Variants in PRKG1 observed in about 807,000 individuals in gnomAD.
The protein encoded by PRKG1 is cGMP-dependent protein kinase 1.
Under a neutral mutation model 88.1 loss-of-function variants are expected in PRKG1, and 35 were observed. The observed-to-expected ratio is 0.40, with a 90% CI of 0.30 to 0.53. PRKG1 has a LOEUF of 0.53. PRKG1 is among the 20% of genes least tolerant of loss of function. The pLI, the probability that PRKG1 is intolerant of heterozygous loss-of-function variation, is 0.59. For missense variants in PRKG1, 540 were observed against 839.8 expected, an observed-to-expected ratio of 0.64 and a Z score of 4.41; for synonymous variants, 303 against 292.5, an observed-to-expected ratio of 1.04 and a Z score of -0.37.
chr10:51,402,143 AC>A (rs944711214), intron 2 of PRKG1, among the ~76,000 whole-genome samples: 1 of 152,234 alleles, frequency 6.6e-6, no homozygotes, highest in Non-Finnish European at 1.5e-5. Flanking sequence ...TTTATGCTTA[AC>A]ATTTATCCTT....
intron 1 of PRKG1, among the ~76,000 whole-genome samples, chr10:51,058,503 G>T (rs553416020): frequency 2.0e-5 from 3 of 152,138 alleles, no homozygotes; most frequent in African/African-American, 7.2e-5. Context: ...TAGTACATTT[G>T]TTACAATCAA....
chr10:52,163,161 A>AT (rs917679346), intron 9 of PRKG1, among the ~76,000 whole-genome samples: 5 of 151,354 alleles, frequency 3.3e-5, no homozygotes, highest in African/African-American at 4.9e-5. Flanking sequence ...TCCTATAGGA[A>AT]TTTTTTTGGT....
At chr10:51,757,765 G>A (rs1248388678) in intron 3 of PRKG1, among the ~76,000 whole-genome samples, 1 of 152,032 alleles carries the variant, frequency 6.6e-6, no homozygotes, top group Admixed American at 6.6e-5. Context: ...ATATGTTCTG[G>A]ATATATTGTG....
rs1554830031 is a variant in PRKG1 at position 51,016,668 on chromosome 10, C to CCTTTCTT, written c.266+25025_266+25031dup. Among the ~76,000 whole-genome samples, 13 of 26,310 alleles carry CCTTTCTT rather than the reference C, an allele frequency of 4.9e-4. 1 individual carries two copies. The highest frequency in any genetic ancestry group is 2.2e-3 in the African/African-American group (13 of 5,804). The allele number at this position is 26,310 out of a possible 152,430, so 17.3% of individuals were successfully genotyped here. A position where few individuals can be genotyped will look rare whatever the true frequency, so the allele number is the denominator to read the frequency against. The stretch of plus-strand genomic sequence containing the variant: ...AACCCAGTGAAGAAGGTATTATTAT[C>CCTTTCTT]CTTTCTTTTTTTTTTTTTTTTTTTG... On this transcript the variant is annotated intron_variant, in intron 1 of 17. Transcript: ENST00000401604.
chr10:52,213,564 T>C (rs1193476014), intron 9 of PRKG1, among the ~76,000 whole-genome samples: 1 of 152,178 alleles, frequency 6.6e-6, no homozygotes, highest in Non-Finnish European at 1.5e-5. Context: ...TTGTTGCTCA[T>C]TAGGGAAAAA....
intron 17 of PRKG1, among the ~76,000 whole-genome samples, chr10:52,291,530 T>A (rs1200472161): frequency 1.3e-5 from 2 of 151,740 alleles, no homozygotes; most frequent in African/African-American, 4.8e-5. Context: ...CTTGCGATAG[T>A]TTACTGAGAA....
intron 1 of PRKG1, among the ~76,000 whole-genome samples, chr10:50,999,524 G>A (rs978288302): frequency 3.9e-5 from 6 of 152,106 alleles, no homozygotes; most frequent in African/African-American, 1.2e-4. Context: ...TTTAAAATGT[G>A]TTTTAAATTC....
chr10:51,200,455 T>C (rs1197715190), intron 2 of PRKG1, among the ~76,000 whole-genome samples: 1 of 152,224 alleles, frequency 6.6e-6, no homozygotes, highest in East Asian at 1.9e-4. Flanking sequence ...GCTAAAATGA[T>C]AGAGACATAG....
intron 5 of PRKG1, among the ~76,000 whole-genome samples, chr10:51,977,330 A>G (rs1248223841): frequency 6.6e-6 from 1 of 152,106 alleles, no homozygotes; most frequent in Non-Finnish European, 1.5e-5. Context: ...AGAGTATTCC[A>G]TGGTGTATAC....
chr10:51,268,976 C>T (rs1564662952), intron 2 of PRKG1, among the ~76,000 whole-genome samples: 1 of 152,108 alleles, frequency 6.6e-6, no homozygotes, highest in African/African-American at 2.4e-5. Context: ...CATTCGGGGT[C>T]CCTGACTTCC....
rs200008741 is a variant in PRKG1, at chr10:52,188,221, TATAC to T, written c.1076+26262_1076+26265del. Among the ~76,000 whole-genome samples, 54 of 58,442 alleles carry T rather than the reference TATAC, an allele frequency of 9.2e-4. 1 individual carries two copies. Among genetic ancestry groups the T allele is most frequent in the Middle Eastern group, 8.3e-3 (1 of 120 alleles). The allele number at this position is 58,442 out of a possible 152,430, so 38.3% of individuals were successfully genotyped here. On this transcript the variant is annotated intron_variant, in intron 9 of 17. Transcript: ENST00000373980. ...GTGTGTATATATATATGTGTATATA[TATAC>T]ATATGTATATATATACATATATATG...
At chr10:51,890,860 G>A (rs1163631876) in intron 4 of PRKG1, among the ~76,000 whole-genome samples, 1 of 152,204 alleles carries the variant, frequency 6.6e-6, no homozygotes, top group African/African-American at 2.4e-5. Context: ...AGAGGCTGAG[G>A]CAAGAGAATC....
chr10:51,350,943 G>A (rs1170261029), intron 2 of PRKG1, among the ~76,000 whole-genome samples: 1 of 152,070 alleles, frequency 6.6e-6, no homozygotes, highest in Non-Finnish European at 1.5e-5. Context: ...AGGCCCTGGT[G>A]TGTGATGTTC....
chr10:52,048,389 C>T (rs1463327866), intron 5 of PRKG1, among the ~76,000 whole-genome samples: 1 of 151,918 alleles, frequency 6.6e-6, no homozygotes, highest in African/African-American at 2.4e-5. Flanking sequence ...AACTGAGATT[C>T]AATGAGAGAT....
intron 7 of PRKG1, among the ~76,000 whole-genome samples, chr10:52,101,386 A>G (rs950420865): frequency 6.6e-6 from 1 of 152,122 alleles, no homozygotes; most frequent in Non-Finnish European, 1.5e-5. Context: ...TATTTAGTCC[A>G]TTTTAAATAC....
intron 4 of PRKG1, among the ~76,000 whole-genome samples, chr10:51,860,699 G>T (rs1474037399): frequency 5.9e-5 from 9 of 152,120 alleles, no homozygotes; most frequent in Admixed American, 5.9e-4. Context: ...TGTATTTGTG[G>T]ATGTTTTTAA....
chr10:51,895,384 A>C (rs1841818272), intron 4 of PRKG1, among the ~76,000 whole-genome samples: 1 of 152,178 alleles, frequency 6.6e-6, no homozygotes, highest in Non-Finnish European at 1.5e-5. Context: ...AGTAAGAATC[A>C]GGACCTTGGG....
intron 4 of PRKG1, among the ~76,000 whole-genome samples, chr10:51,805,357 C>T (rs1839277806): frequency 6.6e-6 from 1 of 151,904 alleles, no homozygotes. Context: ...TTGATACTCA[C>T]TGAAATGAAT....
At chr10:51,692,279 G>A (rs1841164271) in intron 3 of PRKG1, among the ~76,000 whole-genome samples, 1 of 151,436 alleles carries the variant, frequency 6.6e-6, no homozygotes, top group South Asian at 2.1e-4. Context: ...CCATTTCTCT[G>A]TCACCCAGGC....
Sources: gnomAD v4.1 joint callset for allele counts (sites outside exome capture counted in the v4.1 genomes callset) on GRCh38, gnomAD v4.1.1 for gene constraint, MANE v1.5 for transcripts, NCBI Gene and HGNC (gene_info 2026-07-23, HGNC 2026-07-21) for gene names.